Variants in MYO3B observed in about 807,000 individuals in gnomAD.
The protein encoded by MYO3B is myosin-IIIb.
In MYO3B, 156 loss-of-function variants were observed where a neutral mutation model predicts 174.6. That is an observed-to-expected ratio of 0.89 (90% CI 0.78 to 1.02). The LOEUF (loss-of-function observed/expected upper bound fraction) is 1.02, where lower values mean the gene tolerates loss of function less well. Among genes scored for constraint, MYO3B ranks in the 50% least tolerant of loss-of-function variants. The pLI is 0.00. For missense variants in MYO3B, 1,632 were observed against 1,639.4 expected (o/e 1.00, Z 0.08); for synonymous variants, 563 against 569.1 (o/e 0.99, Z 0.15).
chr2:170,464,720 C>T (rs1016359675), intron 24 of MYO3B, among the ~76,000 whole-genome samples: 1 of 152,128 alleles, frequency 6.6e-6, no homozygotes, highest in Non-Finnish European at 1.5e-5. Context: ...GCCCCTGCCT[C>T]ATCATTCTGA....
chr2:170,334,136 A>G (rs979628700), intron 7 of MYO3B: 2 of 152,192 alleles, frequency 1.3e-5, no homozygotes, highest in African/African-American at 2.4e-5. Flanking sequence ...CATGCTCTAA[A>G]AAGAAAGAAG....
chr2:170,498,709 T>C lies in MYO3B; in HGVS notation c.3126+6T>C. The C allele has an allele frequency of 1.9e-6, 3 of 1,542,502 alleles. No individual in the cohort carries two copies. The highest frequency in any genetic ancestry group is 2.7e-6 in the Non-Finnish European group (3 of 1,115,256). ...GGGTACTGGGAAAAACAAAGGTAGT[T>C]CGTTCTTTATTGTTCAAATTGTCCC... is the stretch of plus-strand genomic sequence containing the variant. On this transcript the variant is annotated splice_donor_region_variant and intron_variant, in intron 26 of 34. Transcript: ENST00000408978.
In MYO3B at chr2:170,401,536, C is replaced by T; in HGVS notation, c.1974C>T (p.His658=). The T allele has an allele frequency of 6.2e-7, 1 of 1,614,230 alleles. No individual in the cohort carries two copies. The highest frequency in any genetic ancestry group is 2.2e-5 in the East Asian group (1 of 44,868). ...PEELQEALTS[H]CVVTRGETII... The stretch of plus-strand genomic sequence containing the variant: ...AGCTCCAGGAGGCCCTCACCTCCCA[C>T]TGTGTGGTCACCCGGGGCGAGACCA... Residue 658 remains histidine, a synonymous_variant, in exon 18 of 35, where the codon CAC becomes CAT. Coordinates refer to ENST00000408978, the MANE Select transcript of MYO3B (RefSeq NM_138995.5).
chr2:170,423,286 TCCAG>T (rs2094632920), intron 22 of MYO3B, among the ~76,000 whole-genome samples: 1 of 151,834 alleles, frequency 6.6e-6, no homozygotes, highest in Admixed American at 6.6e-5. Flanking sequence ...CCCAGCCTAA[TCCAG>T]CCACATTTCA....
intron 28 of MYO3B, among the ~76,000 whole-genome samples, chr2:170,512,740 AAGG>A (rs1218276035): frequency 6.6e-6 from 1 of 152,220 alleles, no homozygotes. Flanking sequence ...GGGGAAAAAA[AAGG>A]AGAATAGGGA....
chr2:170,490,466 T>G (rs536981360), intron 25 of MYO3B, among the ~76,000 whole-genome samples: 1 of 152,344 alleles, frequency 6.6e-6, no homozygotes, highest in African/African-American at 2.4e-5. Context: ...GATTTTCTAT[T>G]CAAATAATTG....
intron 8 of MYO3B, among the ~76,000 whole-genome samples, chr2:170,364,999 G>A (rs985347690): frequency 6.6e-6 from 1 of 152,158 alleles, no homozygotes; most frequent in African/African-American, 2.4e-5. Flanking sequence ...TGGCTCCCCA[G>A]TATGACTTCT....
intron 22 of MYO3B, among the ~76,000 whole-genome samples, chr2:170,423,043 A>G (rs112934469): frequency 2.4e-3 from 321 of 131,782 alleles, no homozygotes; most frequent in African/African-American, 8.8e-3. Context: ...ATGCAATGGC[A>G]TGATCTCAGC....
Position 170,543,875 on chromosome 2 carries a change from A to G in MYO3B, c.3637-17A>G, listed in dbSNP as rs1253880469. The G allele has an allele frequency of 3.1e-6, 5 of 1,601,484 alleles. No individual in the cohort carries two copies. The South Asian group carries it at 5.5e-5, about 18-fold the overall frequency. ...AGAGGATAAGAATAATATTTCTCTT[A>G]CTGGGTTTTTCTGAAGCACTCGGTT... On this transcript the variant is annotated splice_polypyrimidine_tract_variant and intron_variant, in intron 31 of 34. Coordinates refer to ENST00000408978, the MANE Select transcript of MYO3B (RefSeq NM_138995.5).
chr2:170,275,491 C>T (rs2093458263), intron 7 of MYO3B, among the ~76,000 whole-genome samples: 1 of 151,926 alleles, frequency 6.6e-6, no homozygotes, highest in African/African-American at 2.4e-5. Context: ...GTCCTAAAAA[C>T]ACTGTGGTTG....
intron 7 of MYO3B, among the ~76,000 whole-genome samples, chr2:170,288,293 GA>G (rs771543505): frequency 2.4e-4 from 36 of 151,092 alleles, no homozygotes; most frequent in Non-Finnish European, 4.3e-4. Flanking sequence ...GGACTTCATT[GA>G]ATCTGTAAAT....
In MYO3B at chr2:170,335,387, A is replaced by G; in HGVS notation, c.752A>G (p.Asn251Ser). ...PVKTLFKIPR[N>S]PPPTLLHPEK... Reference sequence around the variant, plus strand: ...AAAAATTGCTGTTATTTTTTCAGAAATCCTCCACCTACTTTACTTCATCCA... The same window carrying G: ...AAAAATTGCTGTTATTTTTTCAGAAGTCCTCCACCTACTTTACTTCATCCA... Residue 251 changes from asparagine (N) to serine (S), a missense_variant and splice_region_variant, in exon 8 of 35, where the codon AAT becomes AGT. Asn to Ser is a conservative substitution (Grantham distance 46, BLOSUM62 1). Transcript: ENST00000408978. 1 of 1,606,548 alleles carries G rather than the reference A, an allele frequency of 6.2e-7. No homozygotes were observed.
chr2:170,276,082 A>G (rs1373490333), intron 7 of MYO3B, among the ~76,000 whole-genome samples: 1 of 152,200 alleles, frequency 6.6e-6, no homozygotes, highest in Non-Finnish European at 1.5e-5. Context: ...TAGATTACTT[A>G]TAAATTTTAC....
At chr2:170,560,032 G>C (rs986208947) in intron 32 of MYO3B, among the ~76,000 whole-genome samples, 3 of 152,062 alleles carry the variant, frequency 2.0e-5, no homozygotes, top group Non-Finnish European at 2.9e-5. Context: ...AATAATGCCT[G>C]GTACATAGTA....
intron 7 of MYO3B, among the ~76,000 whole-genome samples, chr2:170,309,319 A>G (rs1310453896): frequency 6.6e-6 from 1 of 152,200 alleles, no homozygotes; most frequent in Non-Finnish European, 1.5e-5. Context: ...ACTATTACTG[A>G]TAAATCATTC....
chr2:170,234,491 A>G (rs1281635611), intron 6 of MYO3B, among the ~76,000 whole-genome samples: 2 of 152,202 alleles, frequency 1.3e-5, no homozygotes, highest in Admixed American at 6.5e-5. Context: ...TCCACCTTCC[A>G]TTGGTTGCAC....
rs554781241 is a variant in MYO3B, at chr2:170,565,504, G to T, written c.3733+21516G>T. On this transcript the variant is annotated intron_variant, in intron 32 of 34. Transcript: ENST00000408978. ...CCGAATGATGAATTCATTCAGATGG[G>T]TAGTCTCTAAGGGAGAAATTGGTTT... Among the ~76,000 whole-genome samples, 6 of 152,310 alleles carry T rather than the reference G, an allele frequency of 3.9e-5. No individual in the cohort carries two copies. In the South Asian group the frequency reaches 1.2e-3, roughly 32 times the overall value.
At chr2:170,564,980 T>C (rs928955568) in intron 32 of MYO3B, among the ~76,000 whole-genome samples, 1 of 152,156 alleles carries the variant, frequency 6.6e-6, no homozygotes, top group Non-Finnish European at 1.5e-5. Context: ...CTCTATTCTT[T>C]TGCTGCCTGT....
chr2:170,346,482 A>G (rs1287535564), intron 8 of MYO3B: 3 of 152,236 alleles, frequency 2.0e-5, no homozygotes, highest in African/African-American at 7.2e-5. Context: ...AAGTATTAAT[A>G]TGACACCATA....
Sources: allele counts gnomAD v4.1 joint callset (sites outside exome capture counted in the v4.1 genomes callset), GRCh38; gene constraint gnomAD v4.1.1; transcripts MANE v1.5; gene names NCBI Gene and HGNC (gene_info 2026-07-23, HGNC 2026-07-21).